The following TYW3 variants were observed in gnomAD, a reference collection of about 807,000 sequenced individuals.
The protein encoded by TYW3 is tRNA wybutosine-synthesizing protein 3 homolog.
TYW3 carries 26 observed loss-of-function variants against 23.1 expected under a neutral mutation model. The ratio of observed to expected loss-of-function variants is 1.13; its 90% CI spans 0.83 to 1.56. TYW3 has a LOEUF of 1.56. Ranked by LOEUF, TYW3 falls within the 40% of genes most tolerant of loss-of-function variation. TYW3 has a pLI of 0.00. For missense variants in TYW3, 316 were observed against 311.9 expected (o/e 1.01, Z -0.10); for synonymous variants, 102 against 105.7 (o/e 0.97, Z 0.21).
At chr1:74,748,934 C>T in intron 4 of TYW3, 112 bp downstream of exon 4, 1 of 1,003,518 alleles carries the variant, frequency 1.0e-6, no homozygotes. Flanking sequence ...TCTTGCCATT[C>T]TCTTACTCAT....
At chr1:74,750,989 T>C (rs1362933516) in intron 4 of TYW3, 1 of 152,026 alleles carries the variant, frequency 6.6e-6, no homozygotes, top group Non-Finnish European at 1.5e-5. Context: ...TTTTTTTATT[T>C]TTAGTAGAGA....
In TYW3 at chr1:74,748,846, A is replaced by AT. The variant is rs752887139; in HGVS notation, c.426+31dup. On this transcript the variant is annotated intron_variant, in intron 4 of 5. Transcript: ENST00000370867. The stretch of plus-strand genomic sequence containing the variant: ...TGGTAAGATATTTTGTCAAAGAGTA[A>AT]TTTTTTTAGTGTAAAGTGATCCAGA... The AT allele has an allele frequency of 8.7e-6, 14 of 1,604,926 alleles. No homozygotes were observed. In the African/African-American group the frequency reaches 1.2e-4, roughly 14 times the overall value.
intron 3 of TYW3, among the ~76,000 whole-genome samples, chr1:74,744,865 C>T (rs970553484): frequency 3.3e-5 from 5 of 152,296 alleles, no homozygotes; most frequent in South Asian, 2.1e-4. Flanking sequence ...CACAGACCTT[C>T]GCAGTGAGTG....
chr1:74,734,287 A>G (rs1180114566), intron 1 of TYW3: 1 of 152,172 alleles, frequency 6.6e-6, no homozygotes, highest in Non-Finnish European at 1.5e-5. Flanking sequence ...AGAATATTCC[A>G]CTATATATTC....
At chr1:74,733,526 T>C (rs1202069256) in intron 1 of TYW3, 108 bp downstream of exon 1, 1 of 1,475,092 alleles carries the variant, frequency 6.8e-7, no homozygotes, top group East Asian at 2.4e-5. Context: ...TTTGCTCCTC[T>C]GAGGGGTGGT....
chr1:74,736,385 T>C, intron 1 of TYW3, 157 bp from the exon 2 acceptor site: 1 of 482,160 alleles, frequency 2.1e-6, no homozygotes, highest in Non-Finnish European at 3.5e-6. Flanking sequence ...TATTCTGGGT[T>C]AACATTACCC....
chr1:74,745,131 C>T lies in TYW3; in HGVS notation c.355-3620C>T, dbSNP rs140618650. ...GGAGTTGTTTGTTCCTCCCGGTGGG[C>T]GAGTGGTCTCACTGACTAAAGGAAT... On this transcript the variant is annotated intron_variant, in intron 3 of 5. Coordinates refer to ENST00000370867, the MANE Select transcript of TYW3 (RefSeq NM_138467.3). 2.0e-3 allele frequency among the ~76,000 whole-genome samples: 301 copies of T among 151,348 alleles called. 2 individuals are homozygous for T. Among genetic ancestry groups the T allele is most frequent in the African/African-American group, 7.0e-3 (289 of 41,206 alleles).
chr1:74,761,349 TTAAAG>T (rs1231850011), intron 5 of TYW3, among the ~76,000 whole-genome samples: 2 of 152,134 alleles, frequency 1.3e-5, no homozygotes, highest in African/African-American at 2.4e-5. Context: ...TAATGGTTGA[TTAAAG>T]TAAGGCATAC....
chr1:74,748,820 T>C lies in TYW3; in HGVS notation c.424T>C (p.Leu142=), dbSNP rs938782099. 6.2e-7 allele frequency: 1 copy of C among 1,613,740 alleles called. No homozygotes were observed. The highest frequency in any genetic ancestry group is 1.3e-5 in the African/African-American group (1 of 74,920). Residue 142 remains leucine, a splice_region_variant and synonymous_variant, in exon 4 of 6, where the codon TTG becomes CTG. Coordinates refer to ENST00000370867, the MANE Select transcript of TYW3 (RefSeq NM_138467.3). ...GGTGGGAAAGAGAGGAAAAACTATG[T>C]TGGTAAGATATTTTGTCAAAGAGTA... ...ITVGKRGKTM[L]AVRSTHGLEV...
chr1:74,753,480 G>A (rs895437143), intron 5 of TYW3, among the ~76,000 whole-genome samples: 5 of 152,218 alleles, frequency 3.3e-5, no homozygotes, highest in African/African-American at 1.2e-4. Flanking sequence ...TGGTGGCAGT[G>A]TAAAAGGGTG....
Position 74,752,429 on chromosome 1 carries a change from T to C in TYW3, c.560+4T>C, listed in dbSNP as rs1387067632. ...AAAACAAGAAAAGAATTGAGAGGTA[T>C]ATTAATTGGGTATTTCCATGTTATT... On this transcript the variant is annotated splice_donor_region_variant and intron_variant, in intron 5 of 5. Coordinates refer to ENST00000370867, the MANE Select transcript of TYW3 (RefSeq NM_138467.3). 6.2e-7 allele frequency: 1 copy of C among 1,612,132 alleles called. No homozygotes were observed. The highest frequency in any genetic ancestry group is 2.2e-5 in the East Asian group (1 of 44,800).
intron 5 of TYW3, among the ~76,000 whole-genome samples, chr1:74,759,249 TC>T (rs1557750752): frequency 6.6e-6 from 1 of 152,082 alleles, no homozygotes; most frequent in African/African-American, 2.4e-5. Context: ...CTGCAGAATA[TC>T]CATCAGACAT....
At chr1:74,734,547 G>A (rs1222007482) in intron 1 of TYW3, among the ~76,000 whole-genome samples, 3 of 152,134 alleles carry the variant, frequency 2.0e-5, no homozygotes, top group Non-Finnish European at 4.4e-5. Context: ...TAAGATCTAC[G>A]GAAAGAATGA....
At chr1:74,753,727 A>G (rs1648864962) in intron 5 of TYW3, among the ~76,000 whole-genome samples, 1 of 152,198 alleles carries the variant, frequency 6.6e-6, no homozygotes, top group African/African-American at 2.4e-5. Context: ...ATTCTCCTTC[A>G]TTGATTCATG....
chr1:74,742,792 A>G (rs1352153852), intron 3 of TYW3, among the ~76,000 whole-genome samples: 1 of 152,184 alleles, frequency 6.6e-6, no homozygotes, highest in Non-Finnish European at 1.5e-5. Flanking sequence ...CATACTTACT[A>G]TCTGTAACAA....
chr1:74,752,459 T>C (rs759299840), intron 5 of TYW3, 34 bp downstream of exon 5: 4 of 1,594,440 alleles, frequency 2.5e-6, no homozygotes, highest in East Asian at 4.5e-5. Flanking sequence ...GTTATTCTTA[T>C]ATGCCTAGAT....
At chr1:74,748,284 A>G (rs1280350510) in intron 3 of TYW3, among the ~76,000 whole-genome samples, 1 of 152,168 alleles carries the variant, frequency 6.6e-6, no homozygotes, top group Non-Finnish European at 1.5e-5. Context: ...TGACAAAATA[A>G]CTTACAAAGT....
In TYW3 at chr1:74,766,095, T is replaced by A. The variant is rs1649298027; in HGVS notation, c.*1982T>A. On this transcript the variant is annotated 3_prime_UTR_variant, in exon 6 of 6. Transcript: ENST00000370867. ...CCTGAAAAATTCCTATTGCTAGTGA[T>A]GTGGTCATTGTAAAGCTGTAGCACA... 6.6e-6 allele frequency: 1 copy of A among 152,158 alleles called. No individual in the cohort carries two copies. The highest frequency in any genetic ancestry group is 2.1e-4 in the South Asian group (1 of 4,832). The allele number at this position is 152,158 out of a possible 1,614,324, so 9.4% of individuals were successfully genotyped here. A position where few individuals can be genotyped will look rare whatever the true frequency, so the allele number is the denominator to read the frequency against.
chr1:74,741,356 C>T (rs1382433327), intron 3 of TYW3, among the ~76,000 whole-genome samples: 4 of 152,052 alleles, frequency 2.6e-5, no homozygotes, highest in Non-Finnish European at 2.9e-5. Flanking sequence ...GCAGGTGTAT[C>T]GAGGCTGGTC....
Sources: gnomAD v4.1 joint callset for allele counts (sites outside exome capture counted in the v4.1 genomes callset) on GRCh38, gnomAD v4.1.1 for gene constraint, MANE v1.5 for transcripts, NCBI Gene and HGNC (gene_info 2026-07-23, HGNC 2026-07-21) for gene names.